C2: variants seen among roughly 807,000 people sequenced by gnomAD.
C2 encodes complement C2.
A neutral mutation model predicts 85.2 loss-of-function variants in C2; 64 were observed. That is an observed-to-expected ratio of 0.75 (90% CI 0.61 to 0.92). The LOEUF is 0.92. Ranked by LOEUF, C2 falls within the 40% of genes least tolerant of loss-of-function variation. The pLI is 0.00. For missense variants in C2, 820 were observed against 971.6 expected (o/e 0.84, Z 2.07); for synonymous variants, 311 against 370.8 (o/e 0.84, Z 1.85).
chr6:31,920,220 C>T lies in C2; in HGVS notation c.-100+194C>T, dbSNP rs2151729027. The T allele has an allele frequency of 6.6e-6, 1 of 152,414 alleles. No homozygotes were observed. Among genetic ancestry groups the T allele is most frequent in the Middle Eastern group, 3.4e-3 (1 of 296 alleles). 9.4% of individuals were successfully genotyped at this position (152,414 alleles called of 1,614,324 possible). On this transcript the variant is annotated intron_variant, in intron 1 of 3. Coordinates refer to the C2 transcript ENST00000413154. The surrounding 1 kb of genome is among the most constrained non-coding windows in gnomAD (Gnocchi z 5.6). ...CAAGGCATGAACGTATGTCTTTCTA[C>T]TGGGCAAGTTCCCTCTTCACCCCTT...
chr6:31,938,461 T>C (rs970448781), intron 8 of C2, among the ~76,000 whole-genome samples: 4 of 145,958 alleles, frequency 2.7e-5, no homozygotes, highest in South Asian at 2.1e-4. Flanking sequence ...TGTATGTATA[T>C]ATATATATAT....
At chr6:31,905,554 G>T (rs1346812260) in intron 1 of C2, among the ~76,000 whole-genome samples, 3 of 151,792 alleles carry the variant, frequency 2.0e-5, no homozygotes. Context: ...ATCACTTAAG[G>T]CCGGGAGTTT....
At chr6:31,910,804 A>AC (rs34059180) in intron 1 of C2, among the ~76,000 whole-genome samples, 11,430 of 151,426 alleles carry the variant, frequency 0.075, 530 homozygotes, top group South Asian at 0.14. Context: ...ACATGATGAA[A>AC]CCCCATCTCT....
At chr6:31,937,200 C>T in intron 7 of C2, 119 bp from the exon 8 acceptor site, 1 of 998,724 alleles carries the variant, frequency 1.0e-6, no homozygotes. Flanking sequence ...CAGAGCGAGA[C>T]TCTCTCAAAA....
Position 31,943,568 on chromosome 6 carries a change from C to T in C2, c.1567+41C>T. 1.2e-6 allele frequency: 2 copies of T among 1,607,446 alleles called. No homozygotes were observed. The highest frequency in any genetic ancestry group is 1.7e-6 in the Non-Finnish European group (2 of 1,175,426). ...CACCAGCCTCCTGATCCTGAAGCCA[C>T]AGATCCTACCACCTCACCCAGCCTC... is the stretch of plus-strand genomic sequence containing the variant. On this transcript the variant is annotated intron_variant, in intron 12 of 17. Coordinates refer to ENST00000299367, the MANE Select transcript of C2 (RefSeq NM_000063.6). The surrounding 1 kb of genome is among the most constrained non-coding windows in gnomAD (Gnocchi z 6.4).
intron 7 of C2, chr6:31,936,511 CTT>C (rs548102461): frequency 6.2e-3 from 1,105 of 178,228 alleles, no homozygotes; most frequent in South Asian, 0.015. Flanking sequence ...TTTTCTTCTT[CTT>C]TTTTTTTTTT....
At position 31,943,711 on chromosome 6, in the gene C2, T is replaced by A; in HGVS notation, c.1635T>A (p.Asp545Glu). 1 of 1,613,094 alleles carries A rather than the reference T, an allele frequency of 6.2e-7. No homozygotes were observed. Among genetic ancestry groups the A allele is most frequent in the Non-Finnish European group, 8.5e-7 (1 of 1,180,012 alleles). The change falls in exon 13 of 18, where the codon GAT becomes GAA. Residue 545 changes from aspartate to glutamate, a missense_variant. By Grantham distance (45) the Asp-to-Glu change is conservative. Coordinates refer to ENST00000299367, the MANE Select transcript of C2 (RefSeq NM_000063.6). The surrounding 1 kb of genome is among the most constrained non-coding windows in gnomAD (Gnocchi z 6.4). ...AGGCGGTGATCTCCCCAGGGTTTGA[T>A]GTCTTTGCCAAAAAGAACCAGGGAA... ...IEKAVISPGF[D>E]VFAKKNQGIL...
At chr6:31,927,571 A>G, upstream of C2, 1 of 1,533,318 alleles carries the variant, frequency 6.5e-7, no homozygotes, top group Non-Finnish European at 8.7e-7. This position sits in a 1 kb window ranked among gnomAD's most constrained non-coding sequence, Gnocchi z 4.7. Context: ...TTCACCCTTC[A>G]GTTCAGTCCC....
Position 31,936,841 on chromosome 6 carries a change from T to G in C2, c.989-478T>G, listed in dbSNP as rs1770460666. 1.7e-5 allele frequency: 3 copies of G among 181,640 alleles called. No individual in the cohort carries two copies. In the South Asian group the frequency reaches 3.6e-4, roughly 22 times the overall value. 11.3% of individuals were successfully genotyped at this position (181,640 alleles called of 1,614,324 possible). On this transcript the variant is annotated intron_variant, in intron 7 of 17. Coordinates refer to ENST00000299367, the MANE Select transcript of C2 (RefSeq NM_000063.6). ...GAACATTTCTAAGGTGGAAAGGCTT[T>G]TAAAGTTTGAACAAGCAATGATGCC...
At chr6:31,913,358 C>T (rs918587521) in intron 1 of C2, among the ~76,000 whole-genome samples, 17 of 152,180 alleles carry the variant, frequency 1.1e-4, no homozygotes, top group Non-Finnish European at 2.1e-4. Context: ...GGCAGATCAC[C>T]TGAGGTGAGG....
intron 1 of C2, among the ~76,000 whole-genome samples, chr6:31,913,977 C>T (rs925520251): frequency 1.3e-5 from 2 of 150,736 alleles, no homozygotes; most frequent in Non-Finnish European, 3.0e-5. Context: ...GTCACCCAGG[C>T]GCGATCTTGG....
intron 3 of C2, among the ~76,000 whole-genome samples, chr6:31,933,053 C>T (rs1037409097): frequency 2.0e-5 from 3 of 151,184 alleles, no homozygotes; most frequent in Admixed American, 2.0e-4. Context: ...TGCAGTGAGC[C>T]GAGATGGCAG....
chr6:31,900,187 G>A (rs762361655), upstream of C2: 7 of 1,614,106 alleles, frequency 4.3e-6, no homozygotes, highest in African/African-American at 9.3e-5. The surrounding 1 kb of genome is among the most constrained non-coding windows in gnomAD (Gnocchi z 9.7). Flanking sequence ...GGCGGTTGAG[G>A]TTGCTGCTGT....
At chr6:31,937,197 A>T in intron 7 of C2, 122 bp from the exon 8 acceptor site, 2 of 989,730 alleles carry the variant, frequency 2.0e-6, no homozygotes, top group Non-Finnish European at 3.1e-6. Context: ...TGGCAGAGCG[A>T]GACTCTCTCA....
Position 31,937,329 on chromosome 6 carries a change from T to C in C2, c.999T>C (p.Asn333=). The part of the protein sequence containing the change: ...LENANYKDHE[N]GTGTNTYAAL... Reference sequence around the variant, plus strand: ...TTTGGCATATTCCAGATCATGAAAATGGAACTGGGACTAACACCTATGCGG... The same window carrying C: ...TTTGGCATATTCCAGATCATGAAAACGGAACTGGGACTAACACCTATGCGG... Residue 333 remains asparagine (N), a synonymous_variant, in exon 8 of 18, where the codon AAT becomes AAC. Transcript: ENST00000299367. 6.2e-7 allele frequency: 1 copy of C among 1,612,662 alleles called. No individual in the cohort carries two copies. The highest frequency in any genetic ancestry group is 8.5e-7 in the Non-Finnish European group (1 of 1,179,952).
At position 31,927,863 on chromosome 6, in the gene C2, T is replaced by A; in HGVS notation, c.46+65T>A. The A allele has an allele frequency of 1.3e-6, 2 of 1,590,176 alleles. No homozygotes were observed. Among genetic ancestry groups the A allele is most frequent in the South Asian group, 2.2e-5 (2 of 90,622 alleles). ...TGAGGTTGGTGCTCCCAGCTTGAAT[T>A]CCCATGTGTGAAACAGTCTCTTTTG... On this transcript the variant is annotated intron_variant, in intron 1 of 17. Coordinates refer to ENST00000299367, the MANE Select transcript of C2 (RefSeq NM_000063.6). This position sits in a 1 kb window ranked among gnomAD's most constrained non-coding sequence, Gnocchi z 4.7.
upstream of C2, among the ~76,000 whole-genome samples, chr6:31,926,579 G>T (rs1213442649): frequency 6.6e-6 from 1 of 151,596 alleles, no homozygotes; most frequent in African/African-American, 2.4e-5. Flanking sequence ...TGATCCACCC[G>T]CCTCAGCCTC....
Position 31,933,776 on chromosome 6 carries a change from C to A in C2, c.609C>A (p.Ile203=). 2 of 1,613,872 alleles carry A rather than the reference C, an allele frequency of 1.2e-6. No individual in the cohort carries two copies. Among genetic ancestry groups the A allele is most frequent in the Non-Finnish European group, 1.7e-6 (2 of 1,180,046 alleles). The change falls in exon 4 of 18, where the codon ATC becomes ATA. Residue 203 remains isoleucine, a synonymous_variant. Transcript: ENST00000299367. ...GGGTCTGGAGTGGAACGGAGCCCAT[C>A]TGCCGCCGTGAGTAGCTGCCCTGCC... ...GNGVWSGTEP[I]CRQPYSYDFP... is the part of the protein sequence containing the mutation.
chr6:31,934,654 ATTAATAATTTAATAT>A, intron 6 of C2: 1 of 1,299,320 alleles, frequency 7.7e-7, no homozygotes, highest in Non-Finnish European at 9.8e-7. Context: ...TTTAAATCAG[ATTAATAATTTAATAT>A]TTAATAATTT....
Sources: allele counts gnomAD v4.1 joint callset (sites outside exome capture counted in the v4.1 genomes callset), GRCh38; gene constraint gnomAD v4.1.1; non-coding constraint Gnocchi (gnomAD v3.1); transcripts MANE v1.5; gene names NCBI Gene and HGNC (gene_info 2026-07-23, HGNC 2026-07-21).